CFAP53: variants seen among roughly 807,000 people sequenced by gnomAD.
CFAP53 encodes the protein cilia- and flagella-associated protein 53.
CFAP53 carries 62 observed loss-of-function variants against 59.7 expected under a neutral mutation model. The ratio of observed to expected loss-of-function variants is 1.04; its 90% CI spans 0.85 to 1.28. The LOEUF is 1.28. Among genes scored for constraint, CFAP53 ranks in the 50% most tolerant of loss-of-function variants. The pLI, the probability that CFAP53 is intolerant of heterozygous loss-of-function variation, is 0.00. For synonymous variants in CFAP53, 218 were observed against 205.7 expected, an observed-to-expected ratio of 1.06 and a Z score of -0.51; for missense variants, 629 against 615.6, an observed-to-expected ratio of 1.02 and a Z score of -0.23.
At chr18:50,242,734 T>C (rs749434040) in intron 6 of CFAP53, among the ~76,000 whole-genome samples, 166 bp downstream of exon 6, 8 of 152,230 alleles carry the variant, frequency 5.3e-5, no homozygotes, top group Non-Finnish European at 1.2e-4. Flanking sequence ...GGTCTCTTCA[T>C]ATATATCCAA....
chr18:50,266,463 C>A lies in CFAP53; in HGVS notation c.-59G>T. 6.5e-7 allele frequency: 1 copy of A among 1,536,706 alleles called. No individual in the cohort carries two copies. The highest frequency in any genetic ancestry group is 2.2e-5 in the East Asian group (1 of 44,510). On this transcript the variant is annotated 5_prime_UTR_variant, in exon 1 of 8. Coordinates refer to ENST00000398545, the MANE Select transcript of CFAP53 (RefSeq NM_145020.5). ...GCCGCGTTTCCCCCAACCGTGGCGA[C>A]CTGCGGGACCCGCTTCCGCGACGCA...
At chr18:50,231,376 G>C (rs1385303784) in intron 7 of CFAP53, among the ~76,000 whole-genome samples, 1 of 152,156 alleles carries the variant, frequency 6.6e-6, no homozygotes, top group Non-Finnish European at 1.5e-5. Context: ...CCCACATTTT[G>C]GTAGCCTGTA....
chr18:50,258,637 A>G (rs2033865597), intron 3 of CFAP53, among the ~76,000 whole-genome samples: 1 of 152,252 alleles, frequency 6.6e-6, no homozygotes, highest in Admixed American at 6.5e-5. Context: ...TCTGCACAGC[A>G]AAAGATACAA....
At chr18:50,261,758 T>C (rs2033896140) in intron 2 of CFAP53, among the ~76,000 whole-genome samples, 1 of 151,968 alleles carries the variant, frequency 6.6e-6, no homozygotes, top group Non-Finnish European at 1.5e-5. Context: ...AACAAAAGAG[T>C]AAAATGAACA....
intron 7 of CFAP53, among the ~76,000 whole-genome samples, chr18:50,228,462 GTTT>G (rs1264677402): frequency 1.3e-5 from 2 of 151,598 alleles, no homozygotes; most frequent in African/African-American, 4.8e-5. Flanking sequence ...ATATATGACA[GTTT>G]TTTTATTTAT....
At chr18:50,241,161 C>A (rs1239937737) in intron 6 of CFAP53, among the ~76,000 whole-genome samples, 1 of 152,224 alleles carries the variant, frequency 6.6e-6, no homozygotes, top group African/African-American at 2.4e-5. Flanking sequence ...ATGTAACTTT[C>A]AGAAACCTTA....
intron 3 of CFAP53, among the ~76,000 whole-genome samples, chr18:50,260,698 A>G (rs2033883675): frequency 1.3e-5 from 2 of 152,140 alleles, no homozygotes; most frequent in African/African-American, 4.8e-5. Flanking sequence ...AGGGAACCCA[A>G]GCACACATGC....
At chr18:50,265,435 A>T (rs1445661614) in intron 1 of CFAP53, among the ~76,000 whole-genome samples, 1 of 150,104 alleles carries the variant, frequency 6.7e-6, no homozygotes, top group Non-Finnish European at 1.5e-5. Flanking sequence ...TCCAAAATCC[A>T]AAAAAAAAAT....
intron 7 of CFAP53, among the ~76,000 whole-genome samples, chr18:50,233,874 C>T (rs1271028357): frequency 6.6e-6 from 1 of 152,190 alleles, no homozygotes; most frequent in Non-Finnish European, 1.5e-5. Context: ...TACACACACA[C>T]CAAAAACACA....
chr18:50,230,965 G>A (rs542812630), intron 7 of CFAP53, among the ~76,000 whole-genome samples: 2 of 152,166 alleles, frequency 1.3e-5, no homozygotes, highest in African/African-American at 4.8e-5. Flanking sequence ...AAGGAATCAG[G>A]CTGGCGGAAC....
rs1168702886 is a variant in CFAP53 at position 50,238,655 on chromosome 18, T to C, written c.1264A>G (p.Ile422Val). Reference sequence around the variant, plus strand: ...TTAAGTTCTTTAAGACTTTCATTTATGTGTTTCTGTTCCATAGCACGTTCT... The same window carrying C: ...TTAAGTTCTTTAAGACTTTCATTTACGTGTTTCTGTTCCATAGCACGTTCT... ...QEERAMEQKHINESLKELNCE... is the reference protein window; with the variant it reads ...QEERAMEQKHVNESLKELNCE... Residue 422 changes from isoleucine (I) to valine (V), a missense_variant, in exon 7 of 8, where the codon ATA becomes GTA. Transcript: ENST00000398545. 1.7e-5 allele frequency: 28 copies of C among 1,612,464 alleles called. No individual in the cohort carries two copies. The highest frequency in any genetic ancestry group is 1.6e-4 in the Middle Eastern group (1 of 6,080).
chr18:50,237,343 T>TAG (rs1370558817), intron 7 of CFAP53, among the ~76,000 whole-genome samples: 4 of 42,202 alleles, frequency 9.5e-5, no homozygotes, highest in African/African-American at 2.8e-4. Flanking sequence ...TATATATATA[T>TAG]ATATATATAC....
At chr18:50,245,358 C>T (rs66945417) in intron 5 of CFAP53, among the ~76,000 whole-genome samples, 95,848 of 142,976 alleles carry the variant, frequency 0.67, 32,339 homozygotes, top group East Asian at 0.79. Context: ...GTCCGCAGTC[C>T]GGCCTGGGCG....
chr18:50,261,940 G>T, intron 2 of CFAP53, 50 bp downstream of exon 2: 1 of 1,436,570 alleles, frequency 7.0e-7, no homozygotes, highest in Non-Finnish European at 9.8e-7. Context: ...ATCTCAAATT[G>T]TGGTTTTAGG....
chr18:50,233,043 G>A (rs2033597324), intron 7 of CFAP53, among the ~76,000 whole-genome samples: 1 of 152,162 alleles, frequency 6.6e-6, no homozygotes, highest in Non-Finnish European at 1.5e-5. Flanking sequence ...GAAAAAGTCA[G>A]AGCTCAAATG....
In CFAP53 at chr18:50,248,480, A is replaced by G. The variant is rs2033767136; in HGVS notation, c.996+2278T>C. On this transcript the variant is annotated intron_variant, in intron 5 of 7. Coordinates refer to ENST00000398545, the MANE Select transcript of CFAP53 (RefSeq NM_145020.5). ...ATAGCAATTGCTCTTCTAGGCATTTATCTCATAGAAATGATGATTTGTGCC... is the reference window on the plus strand; with the variant it reads ...ATAGCAATTGCTCTTCTAGGCATTTGTCTCATAGAAATGATGATTTGTGCC... Among the ~76,000 whole-genome samples, 4 of 152,200 alleles carry G rather than the reference A, an allele frequency of 2.6e-5. No homozygotes were observed. The South Asian group carries it at 8.3e-4, about 31-fold the overall frequency.
At chr18:50,251,353 G>A (rs1324738078) in intron 4 of CFAP53, 128 bp downstream of exon 4, 22 of 800,364 alleles carry the variant, frequency 2.7e-5, no homozygotes, top group Non-Finnish European at 4.2e-5. Flanking sequence ...ACAGCACTAA[G>A]AGTCCAAAAA....
At chr18:50,252,267 C>A (rs1458019623) in intron 3 of CFAP53, among the ~76,000 whole-genome samples, 1 of 152,068 alleles carries the variant, frequency 6.6e-6, no homozygotes, top group African/African-American at 2.4e-5. Flanking sequence ...CCACGCCTGG[C>A]TAATTTTTTT....
intron 3 of CFAP53, among the ~76,000 whole-genome samples, chr18:50,254,334 A>C (rs942518824): frequency 1.3e-5 from 2 of 152,296 alleles, no homozygotes; most frequent in Non-Finnish European, 2.9e-5. Context: ...TCACCAAAGA[A>C]AATGTACAGA....
Sources: gnomAD v4.1 joint callset for allele counts (sites outside exome capture counted in the v4.1 genomes callset) on GRCh38, gnomAD v4.1.1 for gene constraint, MANE v1.5 for transcripts, NCBI Gene and HGNC (gene_info 2026-07-23, HGNC 2026-07-21) for gene names.